The following MEIS1 variants were observed in gnomAD, a reference collection of about 807,000 sequenced individuals.
MEIS1 encodes the protein Meis homeobox 1.
Under a neutral mutation model 50.8 loss-of-function variants are expected in MEIS1, and 5 were observed. The ratio of observed to expected loss-of-function variants is 0.10; its 90% confidence interval spans 0.05 to 0.21. The LOEUF (loss-of-function observed/expected upper bound fraction) is 0.21. Among genes scored for constraint, MEIS1 ranks in the 10% least tolerant of loss-of-function variants. The pLI is 1.00. For missense variants in MEIS1, 318 were observed against 517.3 expected (o/e 0.61, Z 3.74); for synonymous variants, 176 against 179.3 (o/e 0.98, Z 0.15).
intron 9 of MEIS1, among the ~76,000 whole-genome samples, chr2:66,566,810 C>CA (rs5831821): frequency 0.51 from 70,753 of 138,556 alleles, 18,033 homozygotes; most frequent in East Asian, 0.61. Context: ...ACATAAAGAG[C>CA]AAAAAAAAAA....
At chr2:66,508,342 G>A (rs914432750) in intron 7 of MEIS1, among the ~76,000 whole-genome samples, 1 of 152,152 alleles carries the variant, frequency 6.6e-6, no homozygotes, top group Non-Finnish European at 1.5e-5. Context: ...CACAGAACCA[G>A]GTATTGCCAA....
At chr2:66,558,195 CT>C (rs1187200227) in intron 9 of MEIS1, among the ~76,000 whole-genome samples, 2 of 135,546 alleles carry the variant, frequency 1.5e-5, no homozygotes, top group Admixed American at 1.6e-4. Context: ...AGGAGAATCG[CT>C]TGAACGCATA....
intron 9 of MEIS1, 81 bp downstream of exon 9, chr2:66,548,100 C>T (rs1300871801): frequency 1.4e-6 from 2 of 1,381,494 alleles, no homozygotes; most frequent in East Asian, 2.3e-5. Context: ...ATTAAGAAGA[C>T]ACACCCAGTT....
Position 66,481,011 on chromosome 2 carries a change from C to A in MEIS1, c.742+16791C>A, listed in dbSNP as rs796552169. On this transcript the variant is annotated intron_variant, in intron 7 of 12. Transcript: ENST00000272369. ...CTAGAATCTCTGTTAAAAAAAAAAA[C>A]AAAAAAACAAAAAAACACATCCTCA... Among the ~76,000 whole-genome samples, 552 of 150,604 alleles carry A rather than the reference C, an allele frequency of 3.7e-3. 5 individuals are homozygous for A. The highest frequency in any genetic ancestry group is 0.012 in the African/African-American group (513 of 41,122).
chr2:66,464,047 G>A (rs2103744086), intron 6 of MEIS1, 62 bp from the exon 7 acceptor site: 1 of 1,210,852 alleles, frequency 8.3e-7, no homozygotes. Context: ...TATGCCATGG[G>A]ATCCTACCAA....
intron 6 of MEIS1, among the ~76,000 whole-genome samples, chr2:66,460,013 A>G (rs1337579161): frequency 6.6e-6 from 1 of 152,200 alleles, no homozygotes; most frequent in African/African-American, 2.4e-5. Flanking sequence ...ATACCTGGAA[A>G]GTGATAAGAG....
chr2:66,463,085 G>C (rs896298568), intron 6 of MEIS1, among the ~76,000 whole-genome samples: 75 of 151,906 alleles, frequency 4.9e-4, no homozygotes, highest in Non-Finnish European at 5.9e-5. Flanking sequence ...TAAGCAAAGA[G>C]CTCTTTGATT....
intron 7 of MEIS1, among the ~76,000 whole-genome samples, chr2:66,487,955 GC>G (rs1340148616): frequency 1.3e-5 from 2 of 152,168 alleles, no homozygotes; most frequent in Non-Finnish European, 2.9e-5. Context: ...CTAGGACTTA[GC>G]GTCAGTAATA....
Position 66,495,080 on chromosome 2 carries a change from C to CTTTTTTTTTT in MEIS1, c.743-17050_743-17041dup, listed in dbSNP as rs70943701. Reference sequence around the variant, plus strand: ...GAATGCCCACTTTCCCTCTTCTGACCTTTTTTTTTTTTTTTTTTTTTTTTT... The same window carrying CTTTTTTTTTT: ...GAATGCCCACTTTCCCTCTTCTGACCTTTTTTTTTTTTTTTTTTTTTTTTTTTTTTTTTTT... On this transcript the variant is annotated intron_variant, in intron 7 of 12. Coordinates refer to ENST00000272369, the MANE Select transcript of MEIS1 (RefSeq NM_002398.3). Among the ~76,000 whole-genome samples, 11 of 91,492 alleles carry CTTTTTTTTTT rather than the reference C, an allele frequency of 1.2e-4. 4 individuals carry two copies. Among genetic ancestry groups the CTTTTTTTTTT allele is most frequent in the African/African-American group, 8.5e-5 (2 of 23,532 alleles). 60.0% of individuals were successfully genotyped at this position (91,492 alleles called of 152,430 possible). A position where few individuals can be genotyped will look rare whatever the true frequency, so the allele number is the denominator to read the frequency against.
chr2:66,466,339 C>T (rs1287028514), intron 7 of MEIS1, among the ~76,000 whole-genome samples: 1 of 152,250 alleles, frequency 6.6e-6, no homozygotes, highest in Non-Finnish European at 1.5e-5. Flanking sequence ...GTTTCCCCTA[C>T]CCCACCTTTC....
chr2:66,453,128 G>T (rs1328557241), intron 6 of MEIS1, among the ~76,000 whole-genome samples: 2 of 151,896 alleles, frequency 1.3e-5, no homozygotes, highest in Admixed American at 6.6e-5. Flanking sequence ...CTAAAGGTTT[G>T]CTTGCCATCC....
chr2:66,542,615 C>T (rs886730387), intron 8 of MEIS1, among the ~76,000 whole-genome samples: 14 of 152,228 alleles, frequency 9.2e-5, no homozygotes, highest in South Asian at 4.1e-4. Flanking sequence ...TTTGCAGTTT[C>T]GGTATAGAGG....
At chr2:66,551,560 A>G (rs887794129) in intron 9 of MEIS1, among the ~76,000 whole-genome samples, 8 of 152,166 alleles carry the variant, frequency 5.3e-5, no homozygotes, top group Non-Finnish European at 7.3e-5. Flanking sequence ...ATTGTGGGCC[A>G]AGTCTATGCC....
intron 8 of MEIS1, among the ~76,000 whole-genome samples, chr2:66,523,729 C>T (rs1025447724): frequency 6.6e-6 from 1 of 152,172 alleles, no homozygotes; most frequent in Non-Finnish European, 1.5e-5. Context: ...TCCAGGGCTA[C>T]AAATGCTGTA....
At chr2:66,453,966 A>C (rs1193123536) in intron 6 of MEIS1, among the ~76,000 whole-genome samples, 1 of 151,984 alleles carries the variant, frequency 6.6e-6, no homozygotes, top group Non-Finnish European at 1.5e-5. Flanking sequence ...TCCTTTCAGG[A>C]AGGTGGTGTT....
chr2:66,569,940 T>C (rs554040889), intron 12 of MEIS1: 1 of 152,518 alleles, frequency 6.6e-6, no homozygotes, highest in East Asian at 1.9e-4. Flanking sequence ...GCATTTTCTC[T>C]CCTATAAAGA....
intron 8 of MEIS1, 89 bp from the exon 9 acceptor site, chr2:66,547,854 T>C: frequency 7.8e-7 from 1 of 1,288,592 alleles, no homozygotes; most frequent in Admixed American, 1.8e-5. Flanking sequence ...ATTTTTACCT[T>C]TAATTATAGA....
intron 2 of MEIS1, chr2:66,439,604 T>TA (rs1671897885): frequency 6.5e-7 from 1 of 1,536,678 alleles, no homozygotes. Context: ...CCAGATACGC[T>TA]AAACCGATCC....
chr2:66,515,768 A>C (rs1056544886), intron 8 of MEIS1, among the ~76,000 whole-genome samples: 2 of 152,190 alleles, frequency 1.3e-5, no homozygotes. Context: ...AATGACTGAC[A>C]TGATTTAAAT....
Sources: allele counts gnomAD v4.1 joint callset (sites outside exome capture counted in the v4.1 genomes callset), GRCh38; gene constraint gnomAD v4.1.1; transcripts MANE v1.5; gene names NCBI Gene and HGNC (gene_info 2026-07-23, HGNC 2026-07-21).